Variants in TCF7L2 observed in about 807,000 individuals in gnomAD.
TCF7L2 encodes the protein transcription factor 7 like 2, also known as transcription factor 7-like 2.
Under a neutral mutation model 77.9 loss-of-function variants are expected in TCF7L2, and 23 were observed. The observed-to-expected ratio is 0.30, with a 90% CI of 0.21 to 0.42. The LOEUF is 0.42. TCF7L2 is among the 10% of genes least tolerant of loss of function. The pLI, the probability that TCF7L2 is intolerant of heterozygous loss-of-function variation, is 1.00. For synonymous variants in TCF7L2, 413 were observed against 340.2 expected, an observed-to-expected ratio of 1.21 and a Z score of -2.36; for missense variants, 654 against 793.1, an observed-to-expected ratio of 0.82 and a Z score of 2.11.
At chr10:113,088,127 A>G (rs1378698357) in intron 5 of TCF7L2, among the ~76,000 whole-genome samples, 2 of 152,104 alleles carry the variant, frequency 1.3e-5, no homozygotes, top group Non-Finnish European at 2.9e-5. Context: ...CATAAAGGGC[A>G]TAGCTATTTC....
At chr10:113,097,004 C>T (rs2061052424) in intron 5 of TCF7L2, among the ~76,000 whole-genome samples, 1 of 152,084 alleles carries the variant, frequency 6.6e-6, no homozygotes, top group Non-Finnish European at 1.5e-5. Context: ...AGCCTGAGCC[C>T]CGCGTCACCA....
chr10:113,083,259 GACACACACACACACAC>G (rs10649541), intron 5 of TCF7L2, among the ~76,000 whole-genome samples: 20 of 143,466 alleles, frequency 1.4e-4, no homozygotes, highest in African/African-American at 5.3e-4. Flanking sequence ...TATACTGATA[GACACACACACACACAC>G]ACACACACAC....
intron 5 of TCF7L2, among the ~76,000 whole-genome samples, chr10:113,086,698 C>G (rs556243469): frequency 6.6e-6 from 1 of 151,688 alleles, no homozygotes; most frequent in East Asian, 1.9e-4. Flanking sequence ...ATGTTTATTT[C>G]CTGGTCTTTA....
chr10:113,126,386 A>G (rs1283030038), intron 5 of TCF7L2, among the ~76,000 whole-genome samples: 2 of 152,188 alleles, frequency 1.3e-5, no homozygotes, highest in Non-Finnish European at 1.5e-5. Context: ...GATAGCTATT[A>G]AAGCGTAATT....
chr10:113,088,588 G>T (rs2060066037), intron 5 of TCF7L2, among the ~76,000 whole-genome samples: 1 of 152,110 alleles, frequency 6.6e-6, no homozygotes, highest in African/African-American at 2.4e-5. Context: ...TCTTTCAAGG[G>T]GTCCAGAATT....
At chr10:113,033,463 G>C (rs1174768165) in intron 4 of TCF7L2, among the ~76,000 whole-genome samples, 1 of 151,932 alleles carries the variant, frequency 6.6e-6, no homozygotes, top group African/African-American at 2.4e-5. Context: ...TCCTAGGCTG[G>C]TCTTGAACTC....
chr10:113,105,524 C>T (rs542665923), intron 5 of TCF7L2, among the ~76,000 whole-genome samples: 1 of 152,246 alleles, frequency 6.6e-6, no homozygotes, highest in South Asian at 2.1e-4. Context: ...GTTACCGTGG[C>T]TATTGTTCTG....
intron 4 of TCF7L2, among the ~76,000 whole-genome samples, chr10:113,019,824 A>C (rs2047991553): frequency 6.6e-6 from 1 of 151,518 alleles, no homozygotes; most frequent in African/African-American, 2.4e-5. Flanking sequence ...TGTGGACTTC[A>C]GCCAGTCTTG....
chr10:113,026,036 G>A (rs1269354989), intron 4 of TCF7L2, among the ~76,000 whole-genome samples: 2 of 151,474 alleles, frequency 1.3e-5, no homozygotes, highest in East Asian at 1.9e-4. Flanking sequence ...GTGCCACCAC[G>A]CCTGGCTAAT....
At chr10:112,955,216 C>T (rs935138354) in intron 3 of TCF7L2, among the ~76,000 whole-genome samples, 3 of 151,314 alleles carry the variant, frequency 2.0e-5, no homozygotes, top group Non-Finnish European at 4.4e-5. Context: ...AAATAGAGAA[C>T]AATAAAATGC....
At chr10:113,065,265 C>T (rs1316671124) in intron 5 of TCF7L2, among the ~76,000 whole-genome samples, 3 of 152,198 alleles carry the variant, frequency 2.0e-5, no homozygotes, top group Admixed American at 2.0e-4. Flanking sequence ...TGAATGCCTC[C>T]TGTTTAGAAG....
chr10:113,037,503 T>C (rs532401315), intron 4 of TCF7L2, among the ~76,000 whole-genome samples: 1 of 152,232 alleles, frequency 6.6e-6, no homozygotes, highest in Non-Finnish European at 1.5e-5. Flanking sequence ...ATTATGTGTA[T>C]TGTAGGCTTG....
intron 5 of TCF7L2, among the ~76,000 whole-genome samples, chr10:113,130,968 G>A (rs1176283224): frequency 6.6e-6 from 1 of 151,898 alleles, no homozygotes; most frequent in Non-Finnish European, 1.5e-5. Flanking sequence ...GTTTCATCAC[G>A]TTGGCCAGGC....
At position 112,961,254 on chromosome 10, in the gene TCF7L2, A is replaced by ACC. The variant is rs372246814; in HGVS notation, c.382-3290_382-3289dup. 1.8e-3 allele frequency among the ~76,000 whole-genome samples: 106 copies of ACC among 60,454 alleles called. 3 individuals carry two copies. Among genetic ancestry groups the ACC allele is most frequent in the African/African-American group, 5.6e-3 (38 of 6,728 alleles). The allele number at this position is 60,454 out of a possible 152,430, so 39.7% of individuals were successfully genotyped here. Reference sequence around the variant, plus strand: ...GGTCTCGAACTCCCGACCTCAGGTGACCCCCCCCCCCCCAACCTCGGCCTT... The same window carrying ACC: ...GGTCTCGAACTCCCGACCTCAGGTGACCCCCCCCCCCCCCCAACCTCGGCCTT... On this transcript the variant is annotated intron_variant, in intron 3 of 13. Transcript: ENST00000627217.
At chr10:113,136,155 C>G (rs1001194469) in intron 5 of TCF7L2, among the ~76,000 whole-genome samples, 1 of 152,148 alleles carries the variant, frequency 6.6e-6, no homozygotes, top group Non-Finnish European at 1.5e-5. Context: ...CAAATGCCGA[C>G]TACTTCATAG....
intron 5 of TCF7L2, among the ~76,000 whole-genome samples, chr10:113,078,701 A>G (rs1043873600): frequency 1.3e-5 from 2 of 151,904 alleles, no homozygotes; most frequent in Non-Finnish European, 2.9e-5. Flanking sequence ...TAGGTTGGCT[A>G]AGGATTAAGA....
chr10:113,029,217 A>G (rs1283000583), intron 4 of TCF7L2, among the ~76,000 whole-genome samples: 1 of 152,032 alleles, frequency 6.6e-6, no homozygotes, highest in African/African-American at 2.4e-5. Context: ...TTGTTGACTC[A>G]ACTGCTCTTC....
intron 5 of TCF7L2, among the ~76,000 whole-genome samples, chr10:113,081,829 T>C (rs948930834): frequency 4.6e-5 from 7 of 152,162 alleles, no homozygotes; most frequent in African/African-American, 1.7e-4. Flanking sequence ...AACTTCATTA[T>C]TACTATTATT....
intron 4 of TCF7L2, among the ~76,000 whole-genome samples, chr10:113,024,266 C>G (rs2048736660): frequency 6.6e-6 from 1 of 152,034 alleles, no homozygotes; most frequent in African/African-American, 2.4e-5. Context: ...CCACTGCACT[C>G]CATCCAGCCT....
Sources: gnomAD v4.1 joint callset for allele counts (sites outside exome capture counted in the v4.1 genomes callset) on GRCh38, gnomAD v4.1.1 for gene constraint, MANE v1.5 for transcripts, NCBI Gene and HGNC (gene_info 2026-07-23, HGNC 2026-07-21) for gene names.